Variants in GABRB1 observed in about 807,000 individuals in gnomAD.
The protein encoded by GABRB1 is gamma-aminobutyric acid receptor subunit beta-1.
Under a neutral mutation model 51.6 loss-of-function variants are expected in GABRB1, and 17 were observed. The ratio of observed to expected loss-of-function variants is 0.33; its 90% CI spans 0.23 to 0.49. The LOEUF (loss-of-function observed/expected upper bound fraction) is 0.49, where lower values mean the gene tolerates loss of function less well. Among genes scored for constraint, GABRB1 ranks in the 20% least tolerant of loss-of-function variants. The pLI, the probability that GABRB1 is intolerant of heterozygous loss-of-function variation, is 0.99. For synonymous variants in GABRB1, 247 were observed against 218.9 expected (o/e 1.13, Z -1.14); for missense variants, 410 against 600.6 (o/e 0.68, Z 3.32).
intron 5 of GABRB1, among the ~76,000 whole-genome samples, chr4:47,369,225 T>C (rs547116046): frequency 6.7e-4 from 102 of 152,190 alleles, no homozygotes; most frequent in Non-Finnish European, 1.2e-3. Context: ...GAACTTAGCT[T>C]AGTGGACAGA....
chr4:47,001,358 G>T (rs555202578), intron 1 of GABRB1, among the ~76,000 whole-genome samples: 1 of 152,006 alleles, frequency 6.6e-6, no homozygotes, highest in South Asian at 2.1e-4. Context: ...TAGCCAGGAT[G>T]GTCTGAATCT....
At chr4:47,296,087 C>T (rs1236266582) in intron 4 of GABRB1, among the ~76,000 whole-genome samples, 2 of 152,076 alleles carry the variant, frequency 1.3e-5, no homozygotes, top group Admixed American at 6.6e-5. Context: ...CAGGCCTGCC[C>T]TAAAAGAGCT....
rs143258531 is a variant in GABRB1, at chr4:47,039,270, G to A, written c.240+6786G>A. Among the ~76,000 whole-genome samples, 1,352 of 147,024 alleles carry A rather than the reference G, an allele frequency of 9.2e-3. 19 individuals carry two copies. The highest frequency in any genetic ancestry group is 0.031 in the African/African-American group (1,243 of 39,810). On this transcript the variant is annotated intron_variant, in intron 3 of 8. Transcript: ENST00000295454. ...ATCTTTCCCTGTCTCTCACATCCCC[G>A]ATAAAATCTGTTGTTGCATTGTGAA...
rs1286087677 is a variant in GABRB1, at chr4:47,418,031, C to T, written c.1081-7643C>T. On this transcript the variant is annotated intron_variant, in intron 8 of 8. Transcript: ENST00000295454. The stretch of plus-strand genomic sequence containing the variant: ...TGGAAGGGGTGGAAGAAAGGCTAAA[C>T]CCAATCCAGAAAATAAATCTGTAAA... Among the ~76,000 whole-genome samples the T allele has an allele frequency of 2.0e-5, 3 of 152,106 alleles. No homozygotes were observed. In the East Asian group the frequency reaches 5.8e-4, roughly 29 times the overall value.
chr4:47,228,825 G>A (rs1721042166), intron 4 of GABRB1, among the ~76,000 whole-genome samples: 3 of 152,070 alleles, frequency 2.0e-5, no homozygotes, highest in Non-Finnish European at 2.9e-5. Flanking sequence ...AAAACCTTGG[G>A]CCTGGCTTCA....
chr4:47,276,525 T>C (rs928741631), intron 4 of GABRB1, among the ~76,000 whole-genome samples: 2 of 152,118 alleles, frequency 1.3e-5, no homozygotes, highest in Non-Finnish European at 2.9e-5. Context: ...AGAAAATAAT[T>C]TGTATAATGC....
rs112334329 is a variant in GABRB1 at position 47,417,821 on chromosome 4, C to T, written c.1081-7853C>T. On this transcript the variant is annotated intron_variant, in intron 8 of 8. Transcript: ENST00000295454. Reference sequence around the variant, plus strand: ...GTAGATTGAGCCCAGAGGTGTTCCTCGACAGGGCTTTAAAACCGCCACTGA... The same window carrying T: ...GTAGATTGAGCCCAGAGGTGTTCCTTGACAGGGCTTTAAAACCGCCACTGA... 6.8e-3 allele frequency among the ~76,000 whole-genome samples: 1,038 copies of T among 152,266 alleles called. 16 individuals are homozygous for T. The highest frequency in any genetic ancestry group is 0.024 in the African/African-American group (987 of 41,546).
At chr4:47,130,508 T>C (rs1218416177) in intron 3 of GABRB1, among the ~76,000 whole-genome samples, 1 of 152,196 alleles carries the variant, frequency 6.6e-6, no homozygotes, top group Non-Finnish European at 1.5e-5. Context: ...CCTCTTTTGC[T>C]GTATTTATTC....
chr4:47,047,746 A>C (rs1243517709), intron 3 of GABRB1, among the ~76,000 whole-genome samples: 1 of 152,134 alleles, frequency 6.6e-6, no homozygotes, highest in Non-Finnish European at 1.5e-5. Context: ...GAAATGTTTG[A>C]TCCATTTGCT....
intron 5 of GABRB1, among the ~76,000 whole-genome samples, chr4:47,377,596 C>T (rs563715690): frequency 3.7e-4 from 56 of 152,216 alleles, no homozygotes; most frequent in African/African-American, 1.3e-3. Context: ...CGGGTTGCCA[C>T]TGTTGGCTCA....
At chr4:47,397,955 T>A (rs552722224) in intron 5 of GABRB1, among the ~76,000 whole-genome samples, 2 of 152,306 alleles carry the variant, frequency 1.3e-5, no homozygotes, top group South Asian at 2.1e-4. Flanking sequence ...AGAACAAAAA[T>A]CCTGTTGGCA....
At chr4:47,196,363 A>C (rs1438302619) in intron 4 of GABRB1, among the ~76,000 whole-genome samples, 1 of 152,204 alleles carries the variant, frequency 6.6e-6, no homozygotes, top group Admixed American at 6.5e-5. Context: ...CACAGGGTTC[A>C]GACTCTAGTT....
chr4:47,397,813 T>C lies in GABRB1; in HGVS notation c.545-5505T>C, dbSNP rs1031105308. On this transcript the variant is annotated intron_variant, in intron 5 of 8. Coordinates refer to ENST00000295454, the MANE Select transcript of GABRB1 (RefSeq NM_000812.4). ...GTTTCGAACTCCTGATCCCAAGTGATCTACCCATCTCGGCCTCCCAAAGTG... is the reference window on the plus strand; with the variant it reads ...GTTTCGAACTCCTGATCCCAAGTGACCTACCCATCTCGGCCTCCCAAAGTG... Among the ~76,000 whole-genome samples the C allele has an allele frequency of 2.0e-5, 3 of 152,080 alleles. No homozygotes were observed. In the South Asian group the frequency reaches 6.2e-4, roughly 31 times the overall value.
chr4:47,328,718 G>A (rs1725347595), intron 5 of GABRB1, among the ~76,000 whole-genome samples: 1 of 151,942 alleles, frequency 6.6e-6, no homozygotes, highest in Non-Finnish European at 1.5e-5. Flanking sequence ...ATGGAACAAT[G>A]AGAACACATG....
In GABRB1 at chr4:47,163,541, G is replaced by C. The variant is rs143399657; in HGVS notation, c.461+2072G>C. On this transcript the variant is annotated intron_variant, in intron 4 of 8. Transcript: ENST00000295454. ...AATAGATACTGGGTACTCCAAGAGT[G>C]GGGAGAAGGGGAGTGTGGCAAGTGT... Among the ~76,000 whole-genome samples the C allele has an allele frequency of 3.9e-4, 60 of 152,080 alleles. 1 individual carries two copies. The highest frequency in any genetic ancestry group is 1.4e-3 in the African/African-American group (60 of 41,512).
At chr4:47,239,447 T>C (rs1372076937) in intron 4 of GABRB1, among the ~76,000 whole-genome samples, 2 of 152,198 alleles carry the variant, frequency 1.3e-5, no homozygotes, top group East Asian at 3.8e-4. Flanking sequence ...TAGGTGTATA[T>C]TTAGCTTTAG....
Position 47,031,597 on chromosome 4 carries a change from A to G in GABRB1, c.-55A>G. 3.4e-6 allele frequency: 5 copies of G among 1,460,148 alleles called. No individual in the cohort carries two copies. Among genetic ancestry groups the G allele is most frequent in the South Asian group, 1.1e-5 (1 of 87,622 alleles). The allele number at this position is 1,460,148 out of a possible 1,614,324, so 90.4% of individuals were successfully genotyped here. The stretch of plus-strand genomic sequence containing the variant: ...GGAATTACTGCCCAGCAGCCGACTA[A>G]GTTGCATTCCTTGAATCTTCGCAGA... On this transcript the variant is annotated 5_prime_UTR_variant, in exon 1 of 9. Coordinates refer to ENST00000295454, the MANE Select transcript of GABRB1 (RefSeq NM_000812.4).
At chr4:47,139,422 C>T (rs1716817598) in intron 3 of GABRB1, among the ~76,000 whole-genome samples, 1 of 152,026 alleles carries the variant, frequency 6.6e-6, no homozygotes, top group African/African-American at 2.4e-5. Flanking sequence ...CATCTCAGGA[C>T]AAACAAGGAA....
Position 47,017,983 on chromosome 4 carries a change from T to C in GABRB1, c.-19-13931T>C, listed in dbSNP as rs570207342. ...TTTCTGTTGTTATTCATGTTTTCAT[T>C]TAGTTTTTCCTGCTTTAAAATAAGT... On this transcript the variant is annotated intron_variant, in intron 1 of 3. Coordinates refer to the GABRB1 transcript ENST00000513567. 2.6e-5 allele frequency among the ~76,000 whole-genome samples: 4 copies of C among 152,286 alleles called. No individual in the cohort carries two copies. The South Asian group carries it at 8.3e-4, about 32-fold the overall frequency.
Sources: allele counts gnomAD v4.1 joint callset (sites outside exome capture counted in the v4.1 genomes callset), GRCh38; gene constraint gnomAD v4.1.1; transcripts MANE v1.5; gene names NCBI Gene and HGNC (gene_info 2026-07-23, HGNC 2026-07-21).